The following PHC3 variants were observed in gnomAD, a reference collection of about 807,000 sequenced individuals.
PHC3 encodes the protein polyhomeotic-like protein 3.
A neutral mutation model predicts 107.4 loss-of-function variants in PHC3; 13 were observed. The ratio of observed to expected loss-of-function variants is 0.12; its 90% CI spans 0.08 to 0.19. The LOEUF (loss-of-function observed/expected upper bound fraction) is 0.19, where lower values mean the gene tolerates loss of function less well. PHC3 is among the 10% of genes least tolerant of loss of function. The probability of loss-of-function intolerance (pLI) is 1.00; values close to 1 mark genes in which losing one functional copy is unlikely to be tolerated. For missense variants in PHC3, 992 were observed against 1,210.9 expected (o/e 0.82, Z 2.68); for synonymous variants, 456 against 427.4 (o/e 1.07, Z -0.83).
intron 12 of PHC3, among the ~76,000 whole-genome samples, chr3:170,105,065 G>A (rs1716222518): frequency 6.6e-6 from 1 of 152,150 alleles, no homozygotes; most frequent in African/African-American, 2.4e-5. Flanking sequence ...CTGCTAAAGA[G>A]GTTCATCGAA....
At chr3:170,170,048 A>G (rs1729352870) in intron 4 of PHC3, 2 of 152,148 alleles carry the variant, frequency 1.3e-5, no homozygotes, top group African/African-American at 4.8e-5. Flanking sequence ...CACGCCAAAA[A>G]AAAAAAGTCA....
At position 170,128,864 on chromosome 3, in the gene PHC3, T is replaced by A. The variant is rs780298898; in HGVS notation, c.1608A>T (p.Leu536Phe). 1 of 1,614,048 alleles carries A rather than the reference T, an allele frequency of 6.2e-7. No homozygotes were observed. The highest frequency in any genetic ancestry group is 1.1e-5 in the South Asian group (1 of 91,092). Residue 536 changes from leucine (L) to phenylalanine (F), a missense_variant, in exon 8 of 15, where the codon TTA becomes TTT. Physicochemically the swap from Leu to Phe is conservative, Grantham distance 22. This residue lies in a region of PHC3 where 543 missense variants were observed against 590.8 expected (regional missense o/e 0.92). Coordinates refer to ENST00000495893, the MANE Select transcript of PHC3 (RefSeq NM_024947.4). ...PPLPLQSMQSLQVQPEILSQG... is the reference protein window; with the variant it reads ...PPLPLQSMQSFQVQPEILSQG... The stretch of plus-strand genomic sequence containing the variant: ...GGGACAGAATTTCAGGCTGCACTTG[T>A]AAAGACTGCATAGACTGCAAGGGCA...
intron 6 of PHC3, among the ~76,000 whole-genome samples, chr3:170,141,439 T>C (rs1435571376): frequency 1.3e-5 from 2 of 152,212 alleles, no homozygotes; most frequent in Non-Finnish European, 2.9e-5. Context: ...AGACCACTTT[T>C]ATAAATTATT....
At position 170,097,471 on chromosome 3, in the gene PHC3, G is replaced by C. The variant is rs969395022; in HGVS notation, c.2834-87C>G. On this transcript the variant is annotated intron_variant, in intron 14 of 14. Transcript: ENST00000495893. This position sits in a 1 kb window ranked among gnomAD's most constrained non-coding sequence, Gnocchi z 4.1. ...AACAGTCACAGTTATGCTCTCACTGGGTCTGAGAATCTGAAATACAGGCTG... is the reference window on the plus strand; with the variant it reads ...AACAGTCACAGTTATGCTCTCACTGCGTCTGAGAATCTGAAATACAGGCTG... 3 of 1,277,942 alleles carry C rather than the reference G, an allele frequency of 2.3e-6. No homozygotes were observed. In the African/African-American group the frequency reaches 4.4e-5, roughly 19 times the overall value. The allele number at this position is 1,277,942 out of a possible 1,614,324, so 79.2% of individuals were successfully genotyped here.
intron 8 of PHC3, chr3:170,128,323 C>T (rs1286654447): frequency 8.0e-7 from 1 of 1,247,442 alleles, no homozygotes; most frequent in Non-Finnish European, 1.0e-6. Context: ...CAGAAGGGAT[C>T]TATGAAGGAT....
In PHC3 at chr3:170,136,704, T is replaced by C. The variant is rs563814107; in HGVS notation, c.673-39A>G. The stretch of plus-strand genomic sequence containing the variant: ...AACAGAAAATTAGGATGAAAACAGA[T>C]GGTTTTAATTGATGTGGTCATCATT... On this transcript the variant is annotated intron_variant, in intron 6 of 14. Coordinates refer to ENST00000495893, the MANE Select transcript of PHC3 (RefSeq NM_024947.4). 4.8e-5 allele frequency: 76 copies of C among 1,594,382 alleles called. No individual in the cohort carries two copies. In the East Asian group the frequency reaches 1.2e-3, roughly 26 times the overall value.
intron 4 of PHC3, chr3:170,169,876 C>G (rs1294083191): frequency 6.6e-6 from 1 of 152,186 alleles, no homozygotes; most frequent in Admixed American, 6.5e-5. Flanking sequence ...CCACTCCTTT[C>G]CTTAATTACC....
Position 170,094,368 on chromosome 3 carries a change from T to C in PHC3, c.*2862A>G, listed in dbSNP as rs1012809668. ...TTCAAACTTATGCTTTTTATCCCAA[T>C]GGGACAAAGAGTGCAACACTGCAAG... On this transcript the variant is annotated 3_prime_UTR_variant, in exon 15 of 15. Coordinates refer to ENST00000495893, the MANE Select transcript of PHC3 (RefSeq NM_024947.4). 1.3e-5 allele frequency: 2 copies of C among 152,184 alleles called. No individual in the cohort carries two copies. Among genetic ancestry groups the C allele is most frequent in the African/African-American group, 4.8e-5 (2 of 41,454 alleles). 9.4% of individuals were successfully genotyped at this position (152,184 alleles called of 1,614,324 possible).
At chr3:170,163,465 T>TAA (rs1560118311) in intron 4 of PHC3, among the ~76,000 whole-genome samples, 7 of 19,612 alleles carry the variant, frequency 3.6e-4, no homozygotes, top group African/African-American at 6.9e-4. Context: ...GTAAAGAGTG[T>TAA]GTGTGTGTGT....
At chr3:170,173,338 G>A (rs937814955) in intron 2 of PHC3, among the ~76,000 whole-genome samples, 1 of 152,168 alleles carries the variant, frequency 6.6e-6, no homozygotes, top group African/African-American at 2.4e-5. Context: ...CTTTCAGATG[G>A]ATAAAGATTT....
At chr3:170,106,141 G>GGT (rs1232903476) in intron 12 of PHC3, among the ~76,000 whole-genome samples, 2 of 152,174 alleles carry the variant, frequency 1.3e-5, no homozygotes, top group Non-Finnish European at 2.9e-5. Flanking sequence ...GAGACTGGGT[G>GGT]GTGGAGGATG....
chr3:170,109,481 G>T (rs993304195), intron 11 of PHC3, among the ~76,000 whole-genome samples: 3 of 152,120 alleles, frequency 2.0e-5, no homozygotes, highest in African/African-American at 7.2e-5. Context: ...TACCACATAA[G>T]CCCTGGACTG....
Position 170,122,617 on chromosome 3 carries a change from T to C in PHC3, c.1916A>G (p.Asp639Gly). 1 of 1,613,946 alleles carries C rather than the reference T, an allele frequency of 6.2e-7. No homozygotes were observed. The highest frequency in any genetic ancestry group is 8.5e-7 in the Non-Finnish European group (1 of 1,179,852). Residue 639 changes from aspartate (D) to glycine (G), a missense_variant, in exon 9 of 15, where the codon GAT becomes GGT. By Grantham distance (94) the Asp-to-Gly change is moderately conservative. Transcript: ENST00000495893. ...TAACAAAGGATGTTCAGAAGTCAAA[T>C]CTTCTCCTCTCCCCACTGTTATAGC... ...PAAITVGRGE[D>G]LTSEHPLLEQ...
intron 10 of PHC3, among the ~76,000 whole-genome samples, chr3:170,114,699 GATCAAATAT>G (rs1422897220): frequency 6.6e-6 from 1 of 152,252 alleles, no homozygotes; most frequent in East Asian, 1.9e-4. Context: ...AAACAACTCA[GATCAAATAT>G]ATTCATTGAT....
intron 6 of PHC3, 149 bp from the exon 7 acceptor site, chr3:170,136,814 TAAGGA>T (rs745717035): frequency 3.0e-4 from 242 of 796,510 alleles, no homozygotes; most frequent in Admixed American, 1.9e-3. Flanking sequence ...GATTAATCCT[TAAGGA>T]AAGGAGAGTT....
intron 4 of PHC3, chr3:170,170,801 T>C (rs911721449): frequency 1.3e-5 from 2 of 152,244 alleles, no homozygotes; most frequent in African/African-American, 4.8e-5. Flanking sequence ...TAAACAAGTA[T>C]TACCATGCCC....
At chr3:170,148,843 G>A (rs78600327) in intron 5 of PHC3, 16 of 357,666 alleles carry the variant, frequency 4.5e-5, no homozygotes, top group African/African-American at 8.1e-5. Context: ...TCACTCTTAC[G>A]TTACTGAATC....
At chr3:170,174,451 AT>A (rs1730101499) in intron 2 of PHC3, among the ~76,000 whole-genome samples, 1 of 152,190 alleles carries the variant, frequency 6.6e-6, no homozygotes, top group African/African-American at 2.4e-5. Context: ...ATCAGAGAAA[AT>A]TCTTACATTT....
At chr3:170,122,815 AAAATT>A in intron 8 of PHC3, 71 bp from the exon 9 acceptor site, 1 of 1,524,858 alleles carries the variant, frequency 6.6e-7, no homozygotes, top group Non-Finnish European at 8.9e-7. Flanking sequence ...TTAATTTCAG[AAAATT>A]AAATTCTATG....
Sources: allele counts gnomAD v4.1 joint callset (sites outside exome capture counted in the v4.1 genomes callset), GRCh38; gene constraint gnomAD v4.1.1; regional missense constraint gnomAD v4.1.1; non-coding constraint Gnocchi (gnomAD v3.1); transcripts MANE v1.5; gene names NCBI Gene and HGNC (gene_info 2026-07-23, HGNC 2026-07-21).